HINT3: variants seen among roughly 807,000 people sequenced by gnomAD.
The protein encoded by HINT3 is adenosine 5'-monophosphoramidase HINT3.
HINT3 carries 16 observed loss-of-function variants against 19.1 expected under a neutral mutation model. The ratio of observed to expected loss-of-function variants is 0.84; its 90% confidence interval spans 0.57 to 1.27. The LOEUF (loss-of-function observed/expected upper bound fraction) is 1.27, where lower values mean the gene tolerates loss of function less well. Among genes scored for constraint, HINT3 ranks in the 50% most tolerant of loss-of-function variants. The pLI, the probability that HINT3 is intolerant of heterozygous loss-of-function variation, is 0.00. For synonymous variants in HINT3, 75 were observed against 84.8 expected (o/e 0.88, Z 0.63); for missense variants, 197 against 225.8 (o/e 0.87, Z 0.82).
chr6:125,968,896 G>C (rs1028606731), intron 2 of HINT3, among the ~76,000 whole-genome samples: 1 of 152,104 alleles, frequency 6.6e-6, no homozygotes, highest in African/African-American at 2.4e-5. Context: ...TTTATTTACA[G>C]ATCCGGGATA....
chr6:125,959,880 C>T (rs138538741), intron 1 of HINT3, among the ~76,000 whole-genome samples: 389 of 152,180 alleles, frequency 2.6e-3, no homozygotes, highest in African/African-American at 8.7e-3. Flanking sequence ...GGGATACAGC[C>T]GTAAACAAAA....
At chr6:125,977,096 G>T (rs943925872) in intron 4 of HINT3, among the ~76,000 whole-genome samples, 1 of 152,090 alleles carries the variant, frequency 6.6e-6, no homozygotes, top group Non-Finnish European at 1.5e-5. Flanking sequence ...TTACTTTTGA[G>T]TTGACTCTTG....
rs147740178 is a variant in HINT3 at position 125,958,120 on chromosome 6, AG to A, written c.201+944del. On this transcript the variant is annotated intron_variant, in intron 1 of 4. Coordinates refer to ENST00000229633, the MANE Select transcript of HINT3 (RefSeq NM_138571.5). ...TAACCCAGCTCTGAAGAATTAGGGAAGGCTTTCCAGAGGAAATGAGACATGA... is the reference window on the plus strand; with the variant it reads ...TAACCCAGCTCTGAAGAATTAGGGAAGCTTTCCAGAGGAAATGAGACATGA... Among the ~76,000 whole-genome samples, 1,356 of 152,236 alleles carry A rather than the reference AG, an allele frequency of 8.9e-3. 17 individuals carry two copies. Among genetic ancestry groups the A allele is most frequent in the African/African-American group, 0.031 (1,274 of 41,518 alleles).
intron 1 of HINT3, among the ~76,000 whole-genome samples, chr6:125,960,630 C>T (rs1788906025): frequency 1.5e-5 from 2 of 129,478 alleles, no homozygotes; most frequent in Non-Finnish European, 3.1e-5. Context: ...GCACTCCAGC[C>T]TGGGTGACAG....
chr6:125,961,719 A>G (rs999745784), intron 1 of HINT3, among the ~76,000 whole-genome samples: 6 of 152,146 alleles, frequency 3.9e-5, no homozygotes, highest in Admixed American at 2.0e-4. Context: ...GAGTTCAGCT[A>G]TTCAGAAGCT....
rs1023281094 is a variant in HINT3 at position 125,956,867 on chromosome 6, A to G, written c.-111A>G. The G allele has an allele frequency of 2.7e-6, 3 of 1,091,322 alleles. No individual in the cohort carries two copies. The highest frequency in any genetic ancestry group is 3.9e-6 in the Non-Finnish European group (3 of 769,208). The allele number at this position is 1,091,322 out of a possible 1,614,324, so 67.6% of individuals were successfully genotyped here. A position where few individuals can be genotyped will look rare whatever the true frequency, so the allele number is the denominator to read the frequency against. On this transcript the variant is annotated 5_prime_UTR_variant, in exon 1 of 5. Transcript: ENST00000229633. Reference sequence around the variant, plus strand: ...AAAGCCTGGATCACCGCCCAGCGTCAGGCGAGGGGCGACGTCTCGAGGTAA... The same window carrying G: ...AAAGCCTGGATCACCGCCCAGCGTCGGGCGAGGGGCGACGTCTCGAGGTAA...
At chr6:125,962,275 C>CAT (rs1284297582) in intron 1 of HINT3, among the ~76,000 whole-genome samples, 1 of 9,588 alleles carries the variant, frequency 1.0e-4, no homozygotes, top group Non-Finnish European at 1.8e-4. Context: ...TATATACATA[C>CAT]ATATATATAT....
intron 3 of HINT3, 51 bp downstream of exon 3, chr6:125,972,379 C>T (rs954934088): frequency 9.1e-7 from 1 of 1,098,224 alleles, no homozygotes; most frequent in African/African-American, 1.7e-5. Context: ...TGACGTTTTT[C>T]AAAATGTCAT....
intron 2 of HINT3, among the ~76,000 whole-genome samples, chr6:125,969,846 C>T (rs377481394): frequency 9.7e-4 from 147 of 152,268 alleles, no homozygotes; most frequent in Middle Eastern, 3.4e-3. Context: ...TATCCCGAAA[C>T]TTTACTAAAG....
Position 125,960,659 on chromosome 6 carries a change from G to C in HINT3, c.201+3481G>C, listed in dbSNP as rs564702093. On this transcript the variant is annotated intron_variant, in intron 1 of 4. Coordinates refer to ENST00000229633, the MANE Select transcript of HINT3 (RefSeq NM_138571.5). ...GTGACAGAGCAAGACTCTCTCTGGG[G>C]GGGGGGAAAAAAAAAGAAGTTAGGG... 5.4e-4 allele frequency among the ~76,000 whole-genome samples: 78 copies of C among 144,994 alleles called. 9 individuals are homozygous for C. In the South Asian group the frequency reaches 5.8e-3, roughly 11 times the overall value.
At chr6:125,973,248 G>C (rs1362595462) in intron 3 of HINT3, among the ~76,000 whole-genome samples, 2 of 151,404 alleles carry the variant, frequency 1.3e-5, no homozygotes, top group Non-Finnish European at 2.9e-5. Flanking sequence ...GCTAGCTTTT[G>C]TATTTCTTAT....
At chr6:125,966,710 A>C (rs370221939) in intron 1 of HINT3, among the ~76,000 whole-genome samples, 177 bp from the exon 2 acceptor site, 2 of 152,242 alleles carry the variant, frequency 1.3e-5, no homozygotes. Context: ...ATCAATAAGC[A>C]TCTCATGAAG....
intron 1 of HINT3, among the ~76,000 whole-genome samples, chr6:125,966,337 G>T (rs1460829395): frequency 6.6e-6 from 1 of 152,122 alleles, no homozygotes; most frequent in Non-Finnish European, 1.5e-5. Context: ...ATTTGTTTCA[G>T]CATTTCAGTC....
Position 125,956,973 on chromosome 6 carries a change from G to C in HINT3, c.-5G>C. The C allele has an allele frequency of 6.5e-7, 1 of 1,549,672 alleles. No homozygotes were observed. The highest frequency in any genetic ancestry group is 8.7e-7 in the Non-Finnish European group (1 of 1,146,572). On this transcript the variant is annotated 5_prime_UTR_variant, in exon 1 of 5. Coordinates refer to ENST00000229633, the MANE Select transcript of HINT3 (RefSeq NM_138571.5). ...CGAGGCTCTAGGCCGCGAGGGGCGG[G>C]TGCAATGGCGGAGGAACAGGTGAAC...
intron 2 of HINT3, among the ~76,000 whole-genome samples, chr6:125,969,209 A>C (rs2128711494): frequency 6.6e-6 from 1 of 152,280 alleles, no homozygotes; most frequent in South Asian, 2.1e-4. Flanking sequence ...GTCCAGTTTT[A>C]TTCTTCTCCA....
At position 125,978,936 on chromosome 6, in the gene HINT3, T is replaced by C. The variant is rs1583593253; in HGVS notation, c.*1260T>C. 1 of 152,298 alleles carries C rather than the reference T, an allele frequency of 6.6e-6. No homozygotes were observed. The highest frequency in any genetic ancestry group is 1.9e-4 in the East Asian group (1 of 5,190). 9.4% of individuals were successfully genotyped at this position (152,298 alleles called of 1,614,324 possible). On this transcript the variant is annotated 3_prime_UTR_variant, in exon 5 of 5. Coordinates refer to ENST00000229633, the MANE Select transcript of HINT3 (RefSeq NM_138571.5). Reference sequence around the variant, plus strand: ...GGATCAGGAAATAAAGAACTAAAAATGGACATTCAGACTGCAATTGCTAGT... The same window carrying C: ...GGATCAGGAAATAAAGAACTAAAAACGGACATTCAGACTGCAATTGCTAGT...
intron 2 of HINT3, among the ~76,000 whole-genome samples, chr6:125,970,075 C>T (rs999213620): frequency 6.6e-6 from 1 of 152,136 alleles, no homozygotes; most frequent in African/African-American, 2.4e-5. Flanking sequence ...AGGTAGCCTA[C>T]ATGATAGATC....
In HINT3 at chr6:125,977,879, G is replaced by A. The variant is rs1158657410; in HGVS notation, c.*203G>A. 1.3e-5 allele frequency: 5 copies of A among 389,978 alleles called. No homozygotes were observed. Among genetic ancestry groups the A allele is most frequent in the Non-Finnish European group, 2.3e-5 (5 of 215,968 alleles). 24.2% of individuals were successfully genotyped at this position (389,978 alleles called of 1,614,324 possible). ...TATTTTGTTACTGACTTGTTTCAAT[G>A]GTTACTTGTATAAGGATTTTATATA... On this transcript the variant is annotated 3_prime_UTR_variant, in exon 5 of 5. Transcript: ENST00000229633.
intron 1 of HINT3, among the ~76,000 whole-genome samples, chr6:125,960,611 C>A (rs987743220): frequency 7.0e-6 from 1 of 143,744 alleles, no homozygotes; most frequent in Non-Finnish European, 1.5e-5. Flanking sequence ...GAGCCAAGAT[C>A]GCGCCGCTGC....
Sources: gnomAD v4.1 joint callset for allele counts (sites outside exome capture counted in the v4.1 genomes callset) on GRCh38, gnomAD v4.1.1 for gene constraint, MANE v1.5 for transcripts, NCBI Gene and HGNC (gene_info 2026-07-23, HGNC 2026-07-21) for gene names.